The following MTSS1 variants were observed in gnomAD, a reference collection of about 807,000 sequenced individuals.
MTSS1 encodes the protein protein MTSS 1.
MTSS1 carries 18 observed loss-of-function variants against 79.0 expected under a neutral mutation model. That is an observed-to-expected ratio of 0.23 (90% confidence interval 0.16 to 0.34). MTSS1 has a LOEUF of 0.34. Among genes scored for constraint, MTSS1 ranks in the 10% least tolerant of loss-of-function variants. MTSS1 has a pLI of 1.00. For synonymous variants in MTSS1, 341 were observed against 368.6 expected, an observed-to-expected ratio of 0.93 and a Z score of 0.86; for missense variants, 815 against 986.2, an observed-to-expected ratio of 0.83 and a Z score of 2.33.
intron 3 of MTSS1, among the ~76,000 whole-genome samples, chr8:124,685,707 A>G (rs1435294589): frequency 6.6e-6 from 1 of 152,230 alleles, no homozygotes; most frequent in Non-Finnish European, 1.5e-5. Context: ...CCCCAAATCT[A>G]ATCACAAAAC....
At chr8:124,629,798 C>T (rs1003523055) in intron 3 of MTSS1, among the ~76,000 whole-genome samples, 1 of 152,216 alleles carries the variant, frequency 6.6e-6, no homozygotes, top group African/African-American at 2.4e-5. Flanking sequence ...AGGCCACCCC[C>T]CTCCATCTGG....
intron 3 of MTSS1, among the ~76,000 whole-genome samples, chr8:124,619,974 A>C (rs528526988): frequency 1.5e-5 from 2 of 132,590 alleles, no homozygotes; most frequent in East Asian, 3.9e-4. Flanking sequence ...TTTTGAAGAC[A>C]GAGTTTTGCT....
chr8:124,633,641 A>G (rs1286261848), intron 3 of MTSS1, among the ~76,000 whole-genome samples: 5 of 152,028 alleles, frequency 3.3e-5, no homozygotes, highest in Admixed American at 6.6e-5. Context: ...GTGGTGGCAC[A>G]CGCCTGTAAT....
rs774914986 is a variant in MTSS1 at position 124,556,352 on chromosome 8, G to A, written c.1284C>T (p.Arg428=). The part of the protein sequence containing the change: ...YDQPLVNTLQ[R]RKEKREPDPN... ...GGTCCGGTTCTCGCTTCTCTTTGCG[G>A]CGCTGCAGGGTGTTCACCAGAGGCT... is the stretch of plus-strand genomic sequence containing the variant. The change falls in exon 12 of 14, where the codon CGC becomes CGT. Residue 428 remains arginine (R), a synonymous_variant. Coordinates refer to ENST00000518547, the MANE Select transcript of MTSS1 (RefSeq NM_014751.6). 6.2e-7 allele frequency: 1 copy of A among 1,614,202 alleles called. No homozygotes were observed. Among genetic ancestry groups the A allele is most frequent in the South Asian group, 1.1e-5 (1 of 91,086 alleles).
chr8:124,644,696 A>T (rs942597303), intron 3 of MTSS1, among the ~76,000 whole-genome samples: 2 of 152,218 alleles, frequency 1.3e-5, no homozygotes, highest in Non-Finnish European at 2.9e-5. Flanking sequence ...GCAAATGTCA[A>T]ACTGGAAAAC....
At chr8:124,622,094 G>GAGAGAGAGAGAGAA (rs1554678118) in intron 3 of MTSS1, among the ~76,000 whole-genome samples, 2 of 150,184 alleles carry the variant, frequency 1.3e-5, no homozygotes, top group African/African-American at 4.9e-5. Flanking sequence ...GAGAGAGAGA[G>GAGAGAGAGAGAGAA]AGAATATGAA....
chr8:124,722,929 C>T (rs1833157286), intron 1 of MTSS1, among the ~76,000 whole-genome samples: 2 of 152,160 alleles, frequency 1.3e-5, no homozygotes, highest in Non-Finnish European at 2.9e-5. Context: ...TGCCAGCTAT[C>T]GCCACCCATG....
intron 3 of MTSS1, among the ~76,000 whole-genome samples, chr8:124,611,085 G>A (rs1056078500): frequency 6.8e-6 from 1 of 146,640 alleles, no homozygotes; most frequent in Non-Finnish European, 1.5e-5. Flanking sequence ...GAGTACACAT[G>A]TGCACAAACC....
rs1824177476 is a variant in MTSS1, at chr8:124,557,592, AGGGGATAGTC to A, written c.1230+79_1230+88del. ...GGCAGAGTGTGAAAGGAAGGGGATG[AGGGGATAGTC>A]GGGGTGAGGGGGTTGGAACAGAAGA... On this transcript the variant is annotated intron_variant, in intron 11 of 13. Transcript: ENST00000518547. 7.1e-6 allele frequency: 9 copies of A among 1,265,094 alleles called. 1 individual carries two copies. In the Admixed American group the frequency reaches 2.0e-4, roughly 27 times the overall value. 78.4% of individuals were successfully genotyped at this position (1,265,094 alleles called of 1,614,324 possible). A position where few individuals can be genotyped will look rare whatever the true frequency, so the allele number is the denominator to read the frequency against.
At chr8:124,719,064 T>C (rs2135759077) in intron 1 of MTSS1, among the ~76,000 whole-genome samples, 1 of 152,292 alleles carries the variant, frequency 6.6e-6, no homozygotes, top group East Asian at 1.9e-4. Context: ...TTACAGAATC[T>C]AAAATGCTAG....
intron 6 of MTSS1, chr8:124,579,879 C>G (rs1240551869): frequency 6.6e-6 from 1 of 152,498 alleles, no homozygotes; most frequent in Admixed American, 6.5e-5. Context: ...GGGACAGCAA[C>G]AAGACTCCAA....
rs941173992 is a variant in MTSS1 at position 124,643,676 on chromosome 8, C to G, written c.209-52441G>C. On this transcript the variant is annotated intron_variant, in intron 3 of 13. Transcript: ENST00000518547. Reference sequence around the variant, plus strand: ...TCGCACCATTGCACTCCACCCTGGGCAACAAGAGCGAAATTCCGTCTCAAA... The same window carrying G: ...TCGCACCATTGCACTCCACCCTGGGGAACAAGAGCGAAATTCCGTCTCAAA... 3.6e-4 allele frequency among the ~76,000 whole-genome samples: 35 copies of G among 96,996 alleles called. No individual in the cohort carries two copies. The Admixed American group carries it at 5.6e-3, about 15-fold the overall frequency. 63.6% of individuals were successfully genotyped at this position (96,996 alleles called of 152,430 possible). A position where few individuals can be genotyped will look rare whatever the true frequency, so the allele number is the denominator to read the frequency against.
At chr8:124,649,914 C>T (rs75687880) in intron 3 of MTSS1, among the ~76,000 whole-genome samples, 2,148 of 152,050 alleles carry the variant, frequency 0.014, 44 homozygotes, top group African/African-American at 0.049. Flanking sequence ...AGCATTGTCA[C>T]CCAGGGTCTG....
chr8:124,646,648 T>C (rs536010278), intron 3 of MTSS1, among the ~76,000 whole-genome samples: 1 of 152,270 alleles, frequency 6.6e-6, no homozygotes, highest in East Asian at 1.9e-4. Flanking sequence ...AAAGACAAAA[T>C]GCCCGTGAGT....
chr8:124,700,202 G>A (rs540498168), intron 2 of MTSS1, among the ~76,000 whole-genome samples: 2 of 151,760 alleles, frequency 1.3e-5, no homozygotes, highest in East Asian at 3.9e-4. Context: ...GGAAAACAGA[G>A]GCATTTCTAC....
rs1344179309 is a variant in MTSS1 at position 124,552,756 on chromosome 8, T to C, written c.*236A>G. 9 of 463,938 alleles carry C rather than the reference T, an allele frequency of 1.9e-5. No homozygotes were observed. In the East Asian group the frequency reaches 2.9e-4, roughly 15 times the overall value. The allele number at this position is 463,938 out of a possible 1,614,324, so 28.7% of individuals were successfully genotyped here. ...CCTTCAGAAAAATCAAAAGGGAAAC[T>C]AAGATTAAAATGTGCAGAAAGAAAA... On this transcript the variant is annotated 3_prime_UTR_variant, in exon 14 of 14. Coordinates refer to ENST00000518547, the MANE Select transcript of MTSS1 (RefSeq NM_014751.6).
At chr8:124,681,067 A>G (rs1826051313) in intron 3 of MTSS1, among the ~76,000 whole-genome samples, 1 of 152,186 alleles carries the variant, frequency 6.6e-6, no homozygotes, top group Non-Finnish European at 1.5e-5. Flanking sequence ...AGCATGAAAG[A>G]GACTCCAATG....
intron 3 of MTSS1, among the ~76,000 whole-genome samples, chr8:124,696,956 T>C (rs1444994683): frequency 6.6e-6 from 1 of 152,128 alleles, no homozygotes; most frequent in Non-Finnish European, 1.5e-5. Flanking sequence ...TCTACCCCCA[T>C]CACTTCTGCA....
chr8:124,608,538 C>T (rs1384241525), intron 3 of MTSS1, among the ~76,000 whole-genome samples: 1 of 152,232 alleles, frequency 6.6e-6, no homozygotes, highest in Non-Finnish European at 1.5e-5. Flanking sequence ...TTGCCGACAT[C>T]TTTTCAAGCA....
Sources: allele counts gnomAD v4.1 joint callset (sites outside exome capture counted in the v4.1 genomes callset), GRCh38; gene constraint gnomAD v4.1.1; transcripts MANE v1.5; gene names NCBI Gene and HGNC (gene_info 2026-07-23, HGNC 2026-07-21).